The following DOCK2 variants were observed in gnomAD, a reference collection of about 807,000 sequenced individuals.
The protein encoded by DOCK2 is dedicator of cytokinesis 2.
Under a neutral mutation model 248.9 loss-of-function variants are expected in DOCK2, and 87 were observed. The observed-to-expected ratio is 0.35, with a 90% CI of 0.29 to 0.42. The LOEUF is 0.42. Among genes scored for constraint, DOCK2 ranks in the 10% least tolerant of loss-of-function variants. The pLI is 1.00. For missense variants in DOCK2, 1,747 were observed against 2,300.2 expected (o/e 0.76, Z 4.92); for synonymous variants, 805 against 821.6 (o/e 0.98, Z 0.35).
At chr5:169,670,138 T>C (rs944137875) in intron 3 of DOCK2, among the ~76,000 whole-genome samples, 1 of 152,210 alleles carries the variant, frequency 6.6e-6, no homozygotes, top group African/African-American at 2.4e-5. Flanking sequence ...GGTGACCGCT[T>C]TCCGGAATCG....
At chr5:170,081,780 C>T in intron 50 of DOCK2, 62 bp from the exon 51 acceptor site, 3 of 1,388,846 alleles carry the variant, frequency 2.2e-6, no homozygotes, top group South Asian at 2.7e-5. Flanking sequence ...CTGTCTACCT[C>T]CCCCAAGGCA....
At chr5:169,864,501 C>T in intron 27 of DOCK2, 2 of 1,416,904 alleles carry the variant, frequency 1.4e-6, no homozygotes, top group Non-Finnish European at 1.9e-6. Flanking sequence ...GAATTCGAAT[C>T]AGCACAGACT....
At chr5:169,706,766 C>A (rs1040313969) in intron 14 of DOCK2, among the ~76,000 whole-genome samples, 1 of 152,174 alleles carries the variant, frequency 6.6e-6, no homozygotes, top group South Asian at 2.1e-4. Flanking sequence ...TCAAATGGAT[C>A]GATTTGGCTG....
At chr5:169,678,128 T>C (rs999909903) in intron 6 of DOCK2, among the ~76,000 whole-genome samples, 1 of 152,018 alleles carries the variant, frequency 6.6e-6, no homozygotes, top group Non-Finnish European at 1.5e-5. Context: ...GTTAAGTAAA[T>C]GTGCATGGAG....
At chr5:170,023,129 C>T (rs1033823200) in intron 33 of DOCK2, among the ~76,000 whole-genome samples, 2 of 152,008 alleles carry the variant, frequency 1.3e-5, no homozygotes, top group Non-Finnish European at 2.9e-5. Flanking sequence ...TGGCTAGATG[C>T]AGATTGTAGA....
At chr5:170,015,273 T>G (rs1481496516) in intron 32 of DOCK2, among the ~76,000 whole-genome samples, 1 of 152,188 alleles carries the variant, frequency 6.6e-6, no homozygotes, top group African/African-American at 2.4e-5. Context: ...TAGGCAGATT[T>G]TATTATCTTC....
intron 25 of DOCK2, among the ~76,000 whole-genome samples, chr5:169,795,243 C>T (rs753640195): frequency 6.6e-6 from 1 of 152,112 alleles, no homozygotes; most frequent in South Asian, 2.1e-4. Context: ...TCTGGAAGTA[C>T]ATTTTTCCTT....
In DOCK2 at chr5:169,743,661, A is replaced by G. The variant is rs550367977; in HGVS notation, c.2268-3735A>G. Reference sequence around the variant, plus strand: ...AATTAACTGAGGCCACACAGCAAGTATATGGAGGAGTCTGGCTTGATAGCA... The same window carrying G: ...AATTAACTGAGGCCACACAGCAAGTGTATGGAGGAGTCTGGCTTGATAGCA... On this transcript the variant is annotated intron_variant, in intron 22 of 51. Coordinates refer to ENST00000520908, the MANE Select transcript of DOCK2 (RefSeq NM_004946.3). Among the ~76,000 whole-genome samples, 4 of 152,250 alleles carry G rather than the reference A, an allele frequency of 2.6e-5. No individual in the cohort carries two copies. In the East Asian group the frequency reaches 7.7e-4, roughly 29 times the overall value.
intron 22 of DOCK2, among the ~76,000 whole-genome samples, chr5:169,742,112 A>G (rs944073436): frequency 6.6e-6 from 1 of 152,114 alleles, no homozygotes; most frequent in Non-Finnish European, 1.5e-5. Flanking sequence ...CACTGCGCCC[A>G]GCCCTTTTAC....
chr5:169,796,325 GT>G (rs140006893), intron 25 of DOCK2, among the ~76,000 whole-genome samples: 2,614 of 152,292 alleles, frequency 0.017, 37 homozygotes, highest in Non-Finnish European at 0.025. Flanking sequence ...CTTGTCTTAT[GT>G]TTTATGAGTG....
chr5:169,999,429 G>A (rs756168602), intron 30 of DOCK2, among the ~76,000 whole-genome samples: 7 of 152,164 alleles, frequency 4.6e-5, no homozygotes, highest in Non-Finnish European at 8.8e-5. Context: ...TATAATAATA[G>A]TAATTTTATT....
At chr5:170,078,215 T>C (rs1313576918) in intron 48 of DOCK2, among the ~76,000 whole-genome samples, 1 of 152,280 alleles carries the variant, frequency 6.6e-6, no homozygotes, top group East Asian at 1.9e-4. Context: ...CCAACCACGA[T>C]GGGATGTCTC....
rs1769911924 is a variant in DOCK2, at chr5:169,840,792, C to T, written c.2739C>T (p.Val913=). The change falls in exon 27 of 52, where the codon GTC becomes GTT. Residue 913 remains valine, a synonymous_variant. Coordinates refer to ENST00000520908, the MANE Select transcript of DOCK2 (RefSeq NM_004946.3). ...FTYHHIQEIM[V]QLLRTVNRTV... The stretch of plus-strand genomic sequence containing the variant: ...ACCACCATATCCAGGAGATCATGGT[C>T]CAGCTGCTGCGGACAGTGAACCGGA... The T allele has an allele frequency of 6.2e-7, 1 of 1,614,000 alleles. No homozygotes were observed. Among genetic ancestry groups the T allele is most frequent in the Non-Finnish European group, 8.5e-7 (1 of 1,179,958 alleles).
At chr5:169,901,595 A>G (rs537881077) in intron 27 of DOCK2, among the ~76,000 whole-genome samples, 2 of 152,332 alleles carry the variant, frequency 1.3e-5, no homozygotes, top group South Asian at 4.1e-4. Context: ...GTAACACATG[A>G]TGATGGCAAG....
chr5:169,923,484 CA>C (rs1775284001), intron 27 of DOCK2, among the ~76,000 whole-genome samples: 1 of 15,068 alleles, frequency 6.6e-5, no homozygotes, highest in Non-Finnish European at 1.0e-4. Flanking sequence ...TGCACGTGGG[CA>C]CACACACACA....
chr5:169,646,638 G>A (rs1757487007), intron 1 of DOCK2, among the ~76,000 whole-genome samples: 1 of 152,174 alleles, frequency 6.6e-6, no homozygotes, highest in Non-Finnish European at 1.5e-5. Flanking sequence ...AATCATTATT[G>A]TAGCATAGGT....
intron 27 of DOCK2, among the ~76,000 whole-genome samples, chr5:169,860,715 A>G (rs2113404897): frequency 6.6e-6 from 1 of 152,278 alleles, no homozygotes; most frequent in East Asian, 1.9e-4. Flanking sequence ...ATGACAGGAA[A>G]GTTGTTTTCT....
rs566038342 is a variant in DOCK2, at chr5:169,656,376, T to C, written c.127+1890T>C. ...CTTGCTTTTGTCTCCCAAGCTGGAG[T>C]GCAGTGATGCGATCTCGGCTCACTG... is the stretch of plus-strand genomic sequence containing the variant. On this transcript the variant is annotated intron_variant, in intron 2 of 51. Transcript: ENST00000520908. 3.3e-4 allele frequency among the ~76,000 whole-genome samples: 50 copies of C among 151,654 alleles called. 3 individuals carry two copies. In the South Asian group the frequency reaches 9.6e-3, roughly 29 times the overall value.
intron 1 of DOCK2, among the ~76,000 whole-genome samples, chr5:169,652,643 G>A (rs1193595796): frequency 2.0e-5 from 3 of 152,242 alleles, no homozygotes; most frequent in Non-Finnish European, 4.4e-5. Context: ...ACAGTAGTGA[G>A]TGGCAGAGCT....
Sources: allele counts gnomAD v4.1 joint callset (sites outside exome capture counted in the v4.1 genomes callset), GRCh38; gene constraint gnomAD v4.1.1; transcripts MANE v1.5; gene names NCBI Gene and HGNC (gene_info 2026-07-23, HGNC 2026-07-21).